The following SLC35F1 variants were observed in gnomAD, a reference collection of about 807,000 sequenced individuals.
SLC35F1 encodes solute carrier family 35 member F1, also known as chromosome 6 open reading frame 169.
A neutral mutation model predicts 48.7 loss-of-function variants in SLC35F1; 14 were observed. The observed-to-expected ratio is 0.29, with a 90% CI of 0.19 to 0.45. The LOEUF is 0.45. Ranked by LOEUF, SLC35F1 falls within the 20% of genes least tolerant of loss-of-function variation. SLC35F1 has a pLI of 1.00. For missense variants in SLC35F1, 404 were observed against 500.0 expected, an observed-to-expected ratio of 0.81 and a Z score of 1.83; for synonymous variants, 190 against 202.2, an observed-to-expected ratio of 0.94 and a Z score of 0.51.
chr6:118,008,273 CA>C (rs1300572923), intron 1 of SLC35F1, among the ~76,000 whole-genome samples: 43 of 11,688 alleles, frequency 3.7e-3, no homozygotes, highest in Non-Finnish European at 5.6e-3. Flanking sequence ...TAGTACACAG[CA>C]AAAAAGAAAA....
intron 6 of SLC35F1, among the ~76,000 whole-genome samples, chr6:118,278,554 C>T (rs909527524): frequency 6.6e-6 from 1 of 152,240 alleles, no homozygotes; most frequent in Non-Finnish European, 1.5e-5. Flanking sequence ...GTGCCTGACT[C>T]TCCCTAGGGT....
chr6:118,042,549 A>G (rs7740920), intron 1 of SLC35F1, among the ~76,000 whole-genome samples: 151,469 of 152,288 alleles, frequency 0.99, 75,334 homozygotes, highest in Middle Eastern at 1. Flanking sequence ...AGAAACTTGA[A>G]CATTAAGTTG....
intron 2 of SLC35F1, among the ~76,000 whole-genome samples, chr6:118,184,617 G>T (rs1007519257): frequency 8.5e-5 from 13 of 152,198 alleles, no homozygotes; most frequent in Admixed American, 3.9e-4. Flanking sequence ...TGGCAAAAAA[G>T]AAAAATATGT....
At chr6:118,278,460 T>C (rs1775944144) in intron 6 of SLC35F1, among the ~76,000 whole-genome samples, 1 of 152,202 alleles carries the variant, frequency 6.6e-6, no homozygotes. Context: ...TCACTTTACC[T>C]ACCTGTCCCC....
intron 1 of SLC35F1, among the ~76,000 whole-genome samples, chr6:118,130,104 C>T (rs565086716): frequency 9.9e-5 from 15 of 152,248 alleles, no homozygotes; most frequent in African/African-American, 3.6e-4. Context: ...TATTTGTCTT[C>T]CTAGTTTGAA....
At chr6:118,264,192 C>A (rs1029226583) in intron 3 of SLC35F1, among the ~76,000 whole-genome samples, 1 of 152,208 alleles carries the variant, frequency 6.6e-6, no homozygotes, top group Non-Finnish European at 1.5e-5. Context: ...GCTAACTGCC[C>A]TGCAGAGAGC....
chr6:118,169,513 A>T (rs1044765935), intron 2 of SLC35F1, among the ~76,000 whole-genome samples: 1 of 152,176 alleles, frequency 6.6e-6, no homozygotes, highest in African/African-American at 2.4e-5. Flanking sequence ...ATGATGATCT[A>T]TTGAGCTGTG....
intron 3 of SLC35F1, among the ~76,000 whole-genome samples, chr6:118,255,715 T>C (rs1200933500): frequency 6.6e-6 from 1 of 152,166 alleles, no homozygotes; most frequent in Non-Finnish European, 1.5e-5. Flanking sequence ...AAATTCCTAT[T>C]GGTAGGAAAA....
intron 1 of SLC35F1, among the ~76,000 whole-genome samples, chr6:117,976,333 G>A (rs2114846650): frequency 6.6e-6 from 1 of 152,276 alleles, no homozygotes; most frequent in East Asian, 1.9e-4. Context: ...AAAGAAAACT[G>A]CTAATTGGCT....
intron 1 of SLC35F1, among the ~76,000 whole-genome samples, chr6:118,102,102 C>G (rs1773266174): frequency 6.6e-6 from 1 of 152,146 alleles, no homozygotes; most frequent in African/African-American, 2.4e-5. Context: ...AACTGCTGAG[C>G]CCCTTTCATC....
intron 2 of SLC35F1, among the ~76,000 whole-genome samples, chr6:118,194,055 A>T (rs1774768892): frequency 6.6e-6 from 1 of 152,212 alleles, no homozygotes; most frequent in Non-Finnish European, 1.5e-5. Flanking sequence ...GAGCTCTTTT[A>T]TATGAACATC....
chr6:118,196,944 GACTGTCTTTTCCCCCATTGTGTCTTCCA>G (rs1361201249), intron 2 of SLC35F1, among the ~76,000 whole-genome samples: 2 of 151,134 alleles, frequency 1.3e-5, no homozygotes, highest in Non-Finnish European at 2.9e-5. Context: ...TTATTAAAGA[GACTGTCTTTTCCCCCATTGTGTCTTCCA>G]GGTACCCTTG....
At chr6:117,979,660 T>G (rs1227637915) in intron 1 of SLC35F1, among the ~76,000 whole-genome samples, 1 of 152,206 alleles carries the variant, frequency 6.6e-6, no homozygotes, top group Non-Finnish European at 1.5e-5. Context: ...CACAGAGAGT[T>G]AAAATTTTAT....
intron 1 of SLC35F1, among the ~76,000 whole-genome samples, chr6:118,034,717 A>C (rs926951670): frequency 6.6e-6 from 1 of 152,154 alleles, no homozygotes. Flanking sequence ...TTCACCTGTG[A>C]CTGTATTATA....
At chr6:118,049,607 T>C (rs1229710558) in intron 1 of SLC35F1, among the ~76,000 whole-genome samples, 1 of 150,626 alleles carries the variant, frequency 6.6e-6, no homozygotes, top group Non-Finnish European at 1.5e-5. Context: ...AAAAAACACA[T>C]GAAAAAATGC....
At chr6:118,016,582 G>T (rs575362003) in intron 1 of SLC35F1, among the ~76,000 whole-genome samples, 2 of 152,196 alleles carry the variant, frequency 1.3e-5, no homozygotes, top group East Asian at 3.9e-4. Context: ...AATATTTTAG[G>T]GTAGAACTGC....
At chr6:117,955,710 G>C (rs1386057491) in intron 1 of SLC35F1, among the ~76,000 whole-genome samples, 2 of 152,188 alleles carry the variant, frequency 1.3e-5, no homozygotes, top group African/African-American at 4.8e-5. Flanking sequence ...GATTGTGTTA[G>C]GATTCAAGCC....
intron 1 of SLC35F1, among the ~76,000 whole-genome samples, chr6:118,104,221 T>C (rs1309397880): frequency 6.6e-6 from 1 of 151,712 alleles, no homozygotes; most frequent in Non-Finnish European, 1.5e-5. Context: ...ATTTAAATAC[T>C]CCAATGGGCT....
intron 3 of SLC35F1, among the ~76,000 whole-genome samples, chr6:118,243,835 C>A (rs1320117328): frequency 6.6e-6 from 1 of 152,184 alleles, no homozygotes; most frequent in Non-Finnish European, 1.5e-5. Flanking sequence ...TTTATCCTTG[C>A]TGTTTTTACC....
Sources: gnomAD v4.1 joint callset for allele counts (sites outside exome capture counted in the v4.1 genomes callset) on GRCh38, gnomAD v4.1.1 for gene constraint, MANE v1.5 for transcripts, NCBI Gene and HGNC (gene_info 2026-07-23, HGNC 2026-07-21) for gene names.